The following ZBED6 variants were observed in gnomAD, a reference collection of about 807,000 sequenced individuals.
The protein encoded by ZBED6 is zinc finger BED domain-containing protein 6.
In ZBED6, 40 loss-of-function variants were observed where a neutral mutation model predicts 58.4. The ratio of observed to expected loss-of-function variants is 0.68; its 90% confidence interval spans 0.53 to 0.89. The LOEUF (loss-of-function observed/expected upper bound fraction) is 0.89, where lower values mean the gene tolerates loss of function less well. ZBED6 is among the 40% of genes least tolerant of loss of function. The pLI, the probability that ZBED6 is intolerant of heterozygous loss-of-function variation, is 0.00. For synonymous variants in ZBED6, 439 were observed against 350.6 expected (o/e 1.25, Z -2.82); for missense variants, 1,057 against 1,003.9 (o/e 1.05, Z -0.71).
intron 1 of ZBED6, chr1:203,805,687 G>A: frequency 3.0e-6 from 2 of 671,736 alleles, no homozygotes; most frequent in Admixed American, 1.8e-5. Context: ...TGTGACAGTG[G>A]GAACACCTTC....
At chr1:203,820,585 C>G (rs933102799) in intron 3 of ZBED6, among the ~76,000 whole-genome samples, 1 of 151,886 alleles carries the variant, frequency 6.6e-6, no homozygotes, top group Non-Finnish European at 1.5e-5. Flanking sequence ...TCATGTGATT[C>G]TTGTGCCTCA....
At chr1:203,799,399 T>G (rs1202485197) in exon 1 of ZBED6, 3 of 703,214 alleles carry the variant, frequency 4.3e-6, no homozygotes, top group Non-Finnish European at 7.8e-6. Flanking sequence ...CGTCAGATAC[T>G]GCAAGAGTTC....
chr1:203,816,113 C>T lies in ZBED6; in HGVS notation c.*2555-813C>T, dbSNP rs532395711. On this transcript the variant is annotated intron_variant, in intron 1 of 16. Coordinates refer to ENST00000550078, the Ensembl canonical transcript of ZBED6. ...TTATTCTAGCTAAACAGGGTTTTCT[C>T]ACCTAGTTATGATTATATACTTTTG... Among the ~76,000 whole-genome samples, 6 of 152,248 alleles carry T rather than the reference C, an allele frequency of 3.9e-5. No homozygotes were observed. In the South Asian group the frequency reaches 1.2e-3, roughly 32 times the overall value.
chr1:203,829,451 C>G, exon 5 of ZBED6: 1 of 1,613,916 alleles, frequency 6.2e-7, no homozygotes, highest in Non-Finnish European at 8.5e-7. Flanking sequence ...GTGCGTTTAG[C>G]TGTGTTGCCC....
exon 17 of ZBED6, chr1:203,853,467 T>TG (rs1380386229): frequency 6.5e-6 from 1 of 152,734 alleles, no homozygotes; most frequent in East Asian, 1.9e-4. Flanking sequence ...TTCTTGATGT[T>TG]GGTTTCCTTC....
chr1:203,811,174 G>C (rs1276459322), intron 1 of ZBED6, among the ~76,000 whole-genome samples: 1 of 151,394 alleles, frequency 6.6e-6, no homozygotes, highest in Non-Finnish European at 1.5e-5. Context: ...CAAGTGTGGT[G>C]GTGGGCACCT....
chr1:203,850,049 T>C (rs11808915), intron 14 of ZBED6, 23 bp downstream of exon 14: 317,750 of 1,602,438 alleles, frequency 0.2, 32,151 homozygotes, highest in Middle Eastern at 0.28. Flanking sequence ...ATACTGTGTA[T>C]TGCTTTAGGT....
Position 203,842,193 on chromosome 1 carries a change from G to A in ZBED6, c.*3741+1819G>A, listed in dbSNP as rs575907290. 2.9e-3 allele frequency among the ~76,000 whole-genome samples: 440 copies of A among 152,120 alleles called. 5 individuals carry two copies. Among genetic ancestry groups the A allele is most frequent in the South Asian group, 1.2e-3 (6 of 4,814 alleles). On this transcript the variant is annotated intron_variant, in intron 11 of 16. Transcript: ENST00000550078. ...CAGAGACGCTCCTCACTTCCCAGACGGGGTGGCGGCCGGGCAGAGGCTGCA... is the reference window on the plus strand; with the variant it reads ...CAGAGACGCTCCTCACTTCCCAGACAGGGTGGCGGCCGGGCAGAGGCTGCA...
intron 3 of ZBED6, among the ~76,000 whole-genome samples, chr1:203,819,432 G>T (rs1386776210): frequency 6.6e-6 from 1 of 151,318 alleles, no homozygotes; most frequent in East Asian, 2.0e-4. Context: ...ACGCAGGCCA[G>T]GCTGGGCTCG....
rs1299255922 is a variant in ZBED6 at position 203,797,963 on chromosome 1, G to A, written c.441G>A (p.Trp147Ter). The A allele has an allele frequency of 6.5e-7, 1 of 1,535,824 alleles. No individual in the cohort carries two copies. Among genetic ancestry groups the A allele is most frequent in the Admixed American group, 2.0e-5 (1 of 50,996 alleles). Residue 147 changes from tryptophan to a stop codon, truncating the protein, a stop_gained, in exon 1 of 17, where the codon TGG (tryptophan) becomes TGA (stop). Transcript: ENST00000550078. LOFTEE classifies it high-confidence loss of function. ...TTCATGTTGACCCCCAGTACACCTG[G>A]CGGGCCATTTGTAACCTCTGTGAGA...
intron 11 of ZBED6, 44 bp downstream of exon 11, chr1:203,840,418 C>G: frequency 3.8e-6 from 6 of 1,568,928 alleles, no homozygotes; most frequent in Non-Finnish European, 5.2e-6. Flanking sequence ...TTTTTCTTTG[C>G]TGTAAGAGCC....
intron 13 of ZBED6, among the ~76,000 whole-genome samples, 166 bp downstream of exon 13, chr1:203,848,573 T>G (rs1343957219): frequency 6.6e-6 from 1 of 152,188 alleles, no homozygotes; most frequent in African/African-American, 2.4e-5. Context: ...TCTATGTATA[T>G]CAGTATTCGC....
chr1:203,797,941 A>G (rs986214357), exon 1 of ZBED6: 1 of 1,535,976 alleles, frequency 6.5e-7, no homozygotes, highest in African/African-American at 1.4e-5. Flanking sequence ...CACTTCTTTC[A>G]TGTTGACCCC....
chr1:203,798,354 C>G lies in ZBED6; in HGVS notation c.832C>G (p.Gln278Glu), dbSNP rs1477414172. 4.6e-6 allele frequency: 7 copies of G among 1,535,234 alleles called. 1 individual carries two copies. The South Asian group carries it at 4.8e-5, about 10-fold the overall frequency. The change falls in exon 1 of 17, where the codon CAG becomes GAG. Residue 278 changes from glutamine to glutamate, a missense_variant. Physicochemically the swap from Gln to Glu is conservative, Grantham distance 29 (BLOSUM62 2). Coordinates refer to ENST00000550078, the Ensembl canonical transcript of ZBED6. The stretch of plus-strand genomic sequence containing the variant: ...TTGGAATTTTTTTTACACTGATCCT[C>G]AGCACATCTCAAGAGCTGTGTGTAA...
rs770994742 is a variant in ZBED6, at chr1:203,847,477, T to C, written c.*4035T>C. On this transcript the variant is annotated 3_prime_UTR_variant, in exon 12 of 17. Transcript: ENST00000550078. ...TAGTGAAATTAAAAAAACAGTAGTT[T>C]TGCCACCCATTGTTGCCAGCAGAGG... is the stretch of plus-strand genomic sequence containing the variant. 3.1e-6 allele frequency: 5 copies of C among 1,613,788 alleles called. No individual in the cohort carries two copies. The Admixed American group carries it at 8.3e-5, about 27-fold the overall frequency.
chr1:203,843,714 T>G (rs1687115561), intron 11 of ZBED6, among the ~76,000 whole-genome samples: 1 of 152,256 alleles, frequency 6.6e-6, no homozygotes, highest in Non-Finnish European at 1.5e-5. Context: ...ATAGTTTGCC[T>G]ATGCCTTTTT....
chr1:203,799,500 G>A, exon 1 of ZBED6: 1 of 703,026 alleles, frequency 1.4e-6, no homozygotes, highest in Non-Finnish European at 2.6e-6. Context: ...ATGGCTCTTG[G>A]AGCATTGCTA....
chr1:203,806,441 A>G (rs1469488928), intron 1 of ZBED6, among the ~76,000 whole-genome samples: 2 of 152,064 alleles, frequency 1.3e-5, no homozygotes, highest in African/African-American at 4.8e-5. Context: ...AGCTGGGATT[A>G]TAGGCATCTG....
Position 203,819,085 on chromosome 1 carries a change from T to TACAC in ZBED6, c.*2873+397_*2873+398insCACA, listed in dbSNP as rs1329539748. Among the ~76,000 whole-genome samples, 21 of 66,040 alleles carry TACAC rather than the reference T, an allele frequency of 3.2e-4. No individual in the cohort carries two copies. In the South Asian group the frequency reaches 4.3e-3, roughly 14 times the overall value. 43.3% of individuals were successfully genotyped at this position (66,040 alleles called of 152,430 possible). On this transcript the variant is annotated intron_variant, in intron 3 of 16. Transcript: ENST00000550078. ...TCCGTCTCAAAAAAAAAAATATATA[T>TACAC]ATATACACACACACACACACACACA...
Sources: gnomAD v4.1 joint callset for allele counts (sites outside exome capture counted in the v4.1 genomes callset) on GRCh38, gnomAD v4.1.1 for gene constraint, MANE v1.5 for transcripts, NCBI Gene and HGNC (gene_info 2026-07-23, HGNC 2026-07-21) for gene names.